Variants in C1orf21 observed in about 807,000 individuals in gnomAD.
C1orf21 encodes the protein chromosome 1 open reading frame 21.
Under a neutral mutation model 18.7 loss-of-function variants are expected in C1orf21, and 3 were observed. The observed-to-expected ratio is 0.16, with a 90% confidence interval of 0.07 to 0.42. The LOEUF (loss-of-function observed/expected upper bound fraction) is 0.42, where lower values mean the gene tolerates loss of function less well. Among genes scored for constraint, C1orf21 ranks in the 10% least tolerant of loss-of-function variants. The pLI is 0.99. For missense variants in C1orf21, 104 were observed against 143.6 expected (o/e 0.72, Z 1.41); for synonymous variants, 41 against 46.4 (o/e 0.88, Z 0.47).
chr1:184,600,141 A>G (rs993174716), intron 5 of C1orf21, among the ~76,000 whole-genome samples: 7 of 152,088 alleles, frequency 4.6e-5, no homozygotes. Flanking sequence ...AACACTTAAA[A>G]TGATATAATC....
intron 2 of C1orf21, among the ~76,000 whole-genome samples, chr1:184,480,321 A>C (rs758173822): frequency 1.3e-5 from 2 of 152,254 alleles, no homozygotes; most frequent in Non-Finnish European, 2.9e-5. Context: ...ATAAACTATA[A>C]ATGGGACAGA....
chr1:184,528,755 A>T (rs1021619940), intron 3 of C1orf21, among the ~76,000 whole-genome samples: 1 of 152,142 alleles, frequency 6.6e-6, no homozygotes, highest in Non-Finnish European at 1.5e-5. Context: ...ATTGTGTTAA[A>T]TTTTAATGGA....
intron 3 of C1orf21, among the ~76,000 whole-genome samples, chr1:184,519,103 G>A (rs1421425130): frequency 1.3e-5 from 2 of 152,102 alleles, no homozygotes; most frequent in African/African-American, 4.8e-5. Flanking sequence ...TATTTGTAAC[G>A]ACAGAATAAA....
intron 3 of C1orf21, among the ~76,000 whole-genome samples, chr1:184,546,315 G>A (rs1658726605): frequency 6.6e-6 from 1 of 152,120 alleles, no homozygotes; most frequent in Admixed American, 6.6e-5. Flanking sequence ...CACACCTGTA[G>A]TCCCAGCTAC....
chr1:184,572,908 G>A (rs1659133182), intron 3 of C1orf21, among the ~76,000 whole-genome samples: 1 of 150,100 alleles, frequency 6.7e-6, no homozygotes, highest in African/African-American at 2.5e-5. Flanking sequence ...CCAAGATCAC[G>A]CCACTGTACT....
chr1:184,607,870 C>T (rs994174770), intron 5 of C1orf21, among the ~76,000 whole-genome samples: 3 of 151,990 alleles, frequency 2.0e-5, no homozygotes, highest in Non-Finnish European at 4.4e-5. Flanking sequence ...TAAAAACACA[C>T]AAATACATTG....
intron 3 of C1orf21, among the ~76,000 whole-genome samples, chr1:184,587,916 C>T (rs560758759): frequency 6.1e-4 from 93 of 152,168 alleles, no homozygotes; most frequent in Non-Finnish European, 1.1e-3. Flanking sequence ...TGCCCAGCCA[C>T]GGTATACATT....
At chr1:184,517,166 A>G (rs1245572851) in intron 3 of C1orf21, among the ~76,000 whole-genome samples, 1 of 152,230 alleles carries the variant, frequency 6.6e-6, no homozygotes, top group East Asian at 1.9e-4. Context: ...TGAGGAATAA[A>G]AGGCTTGTAA....
chr1:184,405,300 ATCC>A (rs1557963513), intron 1 of C1orf21, among the ~76,000 whole-genome samples: 1 of 151,940 alleles, frequency 6.6e-6, no homozygotes, highest in African/African-American at 2.4e-5. Flanking sequence ...GGCTCTATCA[ATCC>A]TCCCACTGTA....
intron 1 of C1orf21, among the ~76,000 whole-genome samples, chr1:184,436,744 T>G (rs1054867596): frequency 2.0e-5 from 3 of 152,132 alleles, no homozygotes; most frequent in Non-Finnish European, 4.4e-5. Flanking sequence ...CACCTACCCG[T>G]GGCAGGTATT....
chr1:184,389,332 C>T (rs1655935349), intron 1 of C1orf21, among the ~76,000 whole-genome samples: 1 of 152,164 alleles, frequency 6.6e-6, no homozygotes, highest in African/African-American at 2.4e-5. Context: ...GTAGAGAGGT[C>T]TCACATCCTC....
At chr1:184,392,915 G>A (rs761383007) in intron 1 of C1orf21, among the ~76,000 whole-genome samples, 37 of 140,748 alleles carry the variant, frequency 2.6e-4, no homozygotes, top group Admixed American at 5.5e-4. Flanking sequence ...TGCAACCTCT[G>A]CCTCCCTGGC....
At chr1:184,439,482 A>G (rs551217933) in intron 1 of C1orf21, among the ~76,000 whole-genome samples, 1 of 151,124 alleles carries the variant, frequency 6.6e-6, no homozygotes, top group African/African-American at 2.4e-5. Flanking sequence ...CTCACTCTAT[A>G]GGAGCCTTTT....
chr1:184,504,346 C>CT (rs11461730), intron 2 of C1orf21, among the ~76,000 whole-genome samples: 78,467 of 151,852 alleles, frequency 0.52, 20,719 homozygotes, highest in African/African-American at 0.65. Flanking sequence ...CGTTTTTCTG[C>CT]GCCAGGACCC....
intron 2 of C1orf21, among the ~76,000 whole-genome samples, chr1:184,504,025 C>T (rs952925602): frequency 6.6e-6 from 1 of 152,136 alleles, no homozygotes; most frequent in African/African-American, 2.4e-5. Context: ...ACTCTGACAC[C>T]TTCTCACGTA....
intron 3 of C1orf21, among the ~76,000 whole-genome samples, chr1:184,581,485 C>G (rs1277507123): frequency 6.6e-6 from 1 of 151,892 alleles, no homozygotes; most frequent in Non-Finnish European, 1.5e-5. Context: ...ATAACCTACC[C>G]TATTCTGACT....
At position 184,516,116 on chromosome 1, in the gene C1orf21, A is replaced by G. The variant is rs116963890; in HGVS notation, c.189+8434A>G. On this transcript the variant is annotated intron_variant, in intron 3 of 5. Coordinates refer to ENST00000235307, the MANE Select transcript of C1orf21 (RefSeq NM_030806.4). The stretch of plus-strand genomic sequence containing the variant: ...ACATGAGCCACCATGCCCAGCCTAC[A>G]TTGGTTTTTGATTTACTGTTTCCAG... Among the ~76,000 whole-genome samples, 238 of 152,244 alleles carry G rather than the reference A, an allele frequency of 1.6e-3. 3 individuals are homozygous for G. In the East Asian group the frequency reaches 0.041, roughly 26 times the overall value.
intron 1 of C1orf21, among the ~76,000 whole-genome samples, chr1:184,399,502 A>G (rs1656115671): frequency 6.6e-6 from 1 of 151,478 alleles, no homozygotes; most frequent in African/African-American, 2.4e-5. Flanking sequence ...AGCTGGGACT[A>G]TAGGTGTATG....
At chr1:184,438,945 T>C (rs539759585) in intron 1 of C1orf21, among the ~76,000 whole-genome samples, 4 of 152,320 alleles carry the variant, frequency 2.6e-5, no homozygotes, top group African/African-American at 7.2e-5. Flanking sequence ...GCGCAGTGGC[T>C]CACGCCTGCA....
Sources: gnomAD v4.1 joint callset for allele counts (sites outside exome capture counted in the v4.1 genomes callset) on GRCh38, gnomAD v4.1.1 for gene constraint, MANE v1.5 for transcripts, NCBI Gene and HGNC (gene_info 2026-07-23, HGNC 2026-07-21) for gene names.